The following ATP7B variants were observed in gnomAD, a reference collection of about 807,000 sequenced individuals.
ATP7B encodes the protein copper-transporting ATPase 2.
Under a neutral mutation model 118.9 loss-of-function variants are expected in ATP7B, and 113 were observed. The observed-to-expected ratio is 0.95, with a 90% CI of 0.82 to 1.11. The LOEUF (loss-of-function observed/expected upper bound fraction) is 1.11, where lower values mean the gene tolerates loss of function less well. ATP7B is among the 50% of genes most tolerant of loss of function. The pLI is 0.00. For missense variants in ATP7B, 1,867 were observed against 1,871.4 expected (o/e 1.00, Z 0.04); for synonymous variants, 777 against 727.4 (o/e 1.07, Z -1.10).
At position 51,937,257 on chromosome 13, in the gene ATP7B, G is replaced by A. The variant is rs1252375927; in HGVS notation, c.4021+19C>T. The A allele has an allele frequency of 6.2e-7, 1 of 1,608,084 alleles. No homozygotes were observed. The highest frequency in any genetic ancestry group is 1.7e-5 in the Admixed American group (1 of 60,014). Reference sequence around the variant, plus strand: ...CCTTTCTGGGCGCAGCTGGAGCACAGTGGGTAAGAGCTGCCTACCTGCTGC... The same window carrying A: ...CCTTTCTGGGCGCAGCTGGAGCACAATGGGTAAGAGCTGCCTACCTGCTGC... On this transcript the variant is annotated intron_variant, in intron 19 of 20. Transcript: ENST00000242839.
chr13:51,993,282 G>C (rs1203002282), intron 1 of ATP7B, among the ~76,000 whole-genome samples: 1 of 151,864 alleles, frequency 6.6e-6, no homozygotes, highest in Non-Finnish European at 1.5e-5. Context: ...AGAAAAAATA[G>C]AGCTGCCAGG....
chr13:51,968,607 C>A lies in ATP7B; in HGVS notation c.1544G>T (p.Gly515Val). 1.2e-6 allele frequency: 2 copies of A among 1,614,078 alleles called. No individual in the cohort carries two copies. The highest frequency in any genetic ancestry group is 1.7e-6 in the Non-Finnish European group (2 of 1,180,026). The change falls in exon 4 of 21, where the codon GGT (glycine) becomes GTT (valine). Residue 515 changes from glycine to valine, a missense_variant and splice_region_variant. By Grantham distance (109) the Gly-to-Val change is moderately radical. Coordinates refer to ENST00000242839, the MANE Select transcript of ATP7B (RefSeq NM_000053.4). The stretch of plus-strand genomic sequence containing the variant: ...CAAGGCAACCAACACGGAGAGAACA[C>A]CTGGAACCATCAGGTCATGGCTGTA... ...NIERNLQKEA[G>V]VLSVLVALMA...
At chr13:52,008,711 C>G (rs1451470844) in intron 1 of ATP7B, among the ~76,000 whole-genome samples, 1 of 152,198 alleles carries the variant, frequency 6.6e-6, no homozygotes, top group Non-Finnish European at 1.5e-5. Context: ...GACTCTCACA[C>G]TTTATGGTTT....
chr13:51,947,234 G>A (rs1028496433), intron 12 of ATP7B, among the ~76,000 whole-genome samples: 2 of 152,218 alleles, frequency 1.3e-5, no homozygotes, highest in African/African-American at 2.4e-5. Flanking sequence ...AAAAATCTCC[G>A]CCTGTATCTG....
chr13:51,964,643 T>C (rs1360601471), intron 5 of ATP7B: 1 of 515,402 alleles, frequency 1.9e-6, no homozygotes, highest in Non-Finnish European at 3.4e-6. Context: ...ACAATAATAA[T>C]GTCTTTTCCT....
chr13:52,007,336 T>C (rs756492063), intron 1 of ATP7B, among the ~76,000 whole-genome samples: 1 of 152,218 alleles, frequency 6.6e-6, no homozygotes, highest in Non-Finnish European at 1.5e-5. Flanking sequence ...ATCCTAGATC[T>C]GCCTCTTATA....
chr13:51,992,934 C>T (rs1237703084), intron 1 of ATP7B, among the ~76,000 whole-genome samples: 7 of 141,980 alleles, frequency 4.9e-5, no homozygotes, highest in East Asian at 4.1e-4. Flanking sequence ...GCCAAGATTA[C>T]GCCACTGCAC....
chr13:51,959,027 G>T (rs577856381), intron 7 of ATP7B: 1 of 173,026 alleles, frequency 5.8e-6, no homozygotes, highest in South Asian at 1.4e-4. Flanking sequence ...ACACATACAC[G>T]CAAGTGTGCA....
At chr13:51,951,903 A>T (rs1958032075) in intron 9 of ATP7B, among the ~76,000 whole-genome samples, 1 of 152,230 alleles carries the variant, frequency 6.6e-6, no homozygotes, top group Non-Finnish European at 1.5e-5. Context: ...TGAGGACTTA[A>T]CACAAGCAAT....
Position 51,974,412 on chromosome 13 carries a change from A to T in ATP7B, c.808T>A (p.Ser270Thr). 1 of 1,613,966 alleles carries T rather than the reference A, an allele frequency of 6.2e-7. No homozygotes were observed. Among genetic ancestry groups the T allele is most frequent in the Non-Finnish European group, 8.5e-7 (1 of 1,180,014 alleles). The change falls in exon 2 of 21, where the codon TCT (serine) becomes ACT (threonine). Residue 270 changes from serine to threonine, a missense_variant. Ser to Thr is a moderately conservative substitution (Grantham distance 58, BLOSUM62 1). Transcript: ENST00000242839. ...TTTTCTTCAATATTCAAGACGCAAG[A>T]CTTACAATGCATTCCATCTATTCTC... is the stretch of plus-strand genomic sequence containing the variant. ...QLRIDGMHCK[S>T]CVLNIEENIG...
At chr13:51,941,345 A>C in intron 15 of ATP7B, 121 bp from the exon 16 acceptor site, 3 of 1,267,268 alleles carry the variant, frequency 2.4e-6, no homozygotes, top group Non-Finnish European at 3.4e-6. Flanking sequence ...TAACCTTGTA[A>C]GCACCTCTTG....
chr13:51,959,639 GAC>G (rs1021170764), intron 7 of ATP7B: 2 of 176,030 alleles, frequency 1.1e-5, no homozygotes, highest in Non-Finnish European at 2.4e-5. Flanking sequence ...CTTCCCACCA[GAC>G]ACACAGCTAG....
chr13:51,994,951 T>C (rs1389087352), intron 1 of ATP7B, among the ~76,000 whole-genome samples: 1 of 152,186 alleles, frequency 6.6e-6, no homozygotes, highest in African/African-American at 2.4e-5. Flanking sequence ...AAAAGGAACT[T>C]CATTTTGCAG....
chr13:51,938,989 T>C, intron 17 of ATP7B, 62 bp downstream of exon 17: 1 of 1,613,782 alleles, frequency 6.2e-7, no homozygotes, highest in South Asian at 1.1e-5. Context: ...CAACTGGTGC[T>C]TACTTTTGTC....
Position 51,937,613 on chromosome 13 carries a change from G to A in ATP7B, c.3766C>T (p.Gln1256Ter), listed in dbSNP as rs1957048901. 1 of 1,614,126 alleles carries A rather than the reference G, an allele frequency of 6.2e-7. No individual in the cohort carries two copies. Among genetic ancestry groups the A allele is most frequent in the African/African-American group, 1.3e-5 (1 of 74,948 alleles). ...SHKVAKVQEL[Q>*]NKGKKVAMVG... The stretch of plus-strand genomic sequence containing the variant: ...ATGGCGACTTTCTTCCCTTTATTCT[G>A]GAGCTCCTGGACCTTGGCCACCTTG... Residue 1256 changes from glutamine to a stop codon, truncating the protein, a stop_gained, in exon 18 of 21, where the codon CAG (glutamine) becomes TAG (stop). Transcript: ENST00000242839. LOFTEE classifies it high-confidence loss of function.
Position 51,946,389 on chromosome 13 carries a change from G to A in ATP7B, c.2955C>T (p.Cys985=), listed in dbSNP as rs116587608. ...CCGTGGGCGTGGCCAGCCCCAGGGA[G>A]CAGGGGCAGGCAATGCACAGCACCG... ...SITVLCIACP[C]SLGLATPTAV... is the part of the protein sequence containing the mutation. Residue 985 remains cysteine, a synonymous_variant, in exon 13 of 21, where the codon TGC becomes TGT. Coordinates refer to ENST00000242839, the MANE Select transcript of ATP7B (RefSeq NM_000053.4). 646 of 1,613,986 alleles carry A rather than the reference G, an allele frequency of 4.0e-4. 4 individuals carry two copies. The African/African-American group carries it at 7.4e-3, about 18-fold the overall frequency.
intron 1 of ATP7B, among the ~76,000 whole-genome samples, chr13:51,984,374 G>T (rs916912834): frequency 6.6e-6 from 1 of 152,058 alleles, no homozygotes; most frequent in Non-Finnish European, 1.5e-5. Context: ...AAAAAAGAAT[G>T]AAAAGGAACA....
At chr13:51,957,642 C>T (rs780389225) in intron 8 of ATP7B, 35 bp from the exon 9 acceptor site, 15 of 1,597,404 alleles carry the variant, frequency 9.4e-6, no homozygotes, top group East Asian at 6.7e-5. Context: ...TGAGAGCTAT[C>T]GAAAGCAGAC....
chr13:51,972,315 G>A (rs942487628), intron 2 of ATP7B, among the ~76,000 whole-genome samples: 3 of 152,114 alleles, frequency 2.0e-5, no homozygotes, highest in East Asian at 1.9e-4. Context: ...TCTGCGGCTC[G>A]CATTATGTCC....
Sources: gnomAD v4.1 joint callset for allele counts (sites outside exome capture counted in the v4.1 genomes callset) on GRCh38, gnomAD v4.1.1 for gene constraint, MANE v1.5 for transcripts, NCBI Gene and HGNC (gene_info 2026-07-23, HGNC 2026-07-21) for gene names.